CDH12: variants seen among roughly 807,000 people sequenced by gnomAD.
CDH12 encodes cadherin-12.
In CDH12, 41 loss-of-function variants were observed where a neutral mutation model predicts 74.1. The observed-to-expected ratio is 0.55, with a 90% CI of 0.43 to 0.72. The LOEUF is 0.72. Ranked by LOEUF, CDH12 falls within the 30% of genes least tolerant of loss-of-function variation. The pLI is 0.00. For missense variants in CDH12, 945 were observed against 977.2 expected (o/e 0.97, Z 0.44); for synonymous variants, 399 against 355.0 (o/e 1.12, Z -1.39).
chr5:22,160,236 CT>C (rs1748263957), intron 4 of CDH12, among the ~76,000 whole-genome samples: 1 of 151,980 alleles, frequency 6.6e-6, no homozygotes, highest in Non-Finnish European at 1.5e-5. Flanking sequence ...TCCTTTTTTT[CT>C]TTTTAGAAAA....
intron 5 of CDH12, among the ~76,000 whole-genome samples, chr5:22,061,444 G>T (rs1741183061): frequency 6.6e-6 from 1 of 152,064 alleles, no homozygotes; most frequent in Admixed American, 6.6e-5. Context: ...TTCAAATATA[G>T]GTTTGAATGG....
At chr5:22,265,832 C>A (rs1753683167) in intron 3 of CDH12, among the ~76,000 whole-genome samples, 1 of 151,894 alleles carries the variant, frequency 6.6e-6, no homozygotes, top group Admixed American at 6.6e-5. Flanking sequence ...GCAATATGAA[C>A]AGGTATAAAT....
intron 3 of CDH12, among the ~76,000 whole-genome samples, chr5:22,281,877 T>G (rs1423740392): frequency 2.0e-5 from 3 of 152,164 alleles, no homozygotes; most frequent in Non-Finnish European, 4.4e-5. Flanking sequence ...AAAACTAGTT[T>G]TAATTTCATA....
At chr5:21,910,086 T>G (rs2150062521) in intron 6 of CDH12, among the ~76,000 whole-genome samples, 1 of 152,278 alleles carries the variant, frequency 6.6e-6, no homozygotes, top group Non-Finnish European at 1.5e-5. Flanking sequence ...AGGAGTTTGC[T>G]TAGCAGTCAT....
At chr5:22,518,562 A>G (rs950505256) in intron 1 of CDH12, among the ~76,000 whole-genome samples, 1 of 152,218 alleles carries the variant, frequency 6.6e-6, no homozygotes, top group Non-Finnish European at 1.5e-5. Flanking sequence ...TGTTCTGGAC[A>G]TGTTAAATTT....
chr5:22,264,588 G>T lies in CDH12; in HGVS notation c.-332-51945C>A, dbSNP rs114723119. ...GGTGTGTGAGTAATTATCAGAGGTT[G>T]TTGTGAGGAGATATGATTGGGAATG... On this transcript the variant is annotated intron_variant, in intron 3 of 14. Coordinates refer to ENST00000382254, the MANE Select transcript of CDH12 (RefSeq NM_004061.5). Among the ~76,000 whole-genome samples, 506 of 152,242 alleles carry T rather than the reference G, an allele frequency of 3.3e-3. 2 individuals carry two copies. Among genetic ancestry groups the T allele is most frequent in the African/African-American group, 0.012 (480 of 41,566 alleles).
intron 2 of CDH12, among the ~76,000 whole-genome samples, chr5:22,420,980 GCTCT>G (rs1743627069): frequency 6.6e-6 from 1 of 151,850 alleles, no homozygotes; most frequent in South Asian, 2.1e-4. Context: ...TCATGATTTG[GCTCT>G]CTGCTTGTCT....
chr5:22,161,111 T>C lies in CDH12; in HGVS notation c.-187+51387A>G, dbSNP rs866656884. Among the ~76,000 whole-genome samples the C allele has an allele frequency of 2.0e-5, 3 of 152,154 alleles. No individual in the cohort carries two copies. In the South Asian group the frequency reaches 6.2e-4, roughly 32 times the overall value. On this transcript the variant is annotated intron_variant, in intron 4 of 14. Transcript: ENST00000382254. The stretch of plus-strand genomic sequence containing the variant: ...TTTAAGGGGAACATACACAAGTGTA[T>C]AGAATTGAGCTGTCATAGAAGCTTC...
At chr5:22,152,124 A>G (rs1179737505) in intron 4 of CDH12, 1 of 152,034 alleles carries the variant, frequency 6.6e-6, no homozygotes, top group Non-Finnish European at 1.5e-5. Flanking sequence ...CTACCAGGAG[A>G]CTGGATCCGC....
intron 6 of CDH12, among the ~76,000 whole-genome samples, chr5:21,968,877 A>T (rs1756705519): frequency 6.6e-6 from 1 of 152,118 alleles, no homozygotes; most frequent in Non-Finnish European, 1.5e-5. Context: ...GTAACGCAGG[A>T]ACAGAAAACC....
chr5:22,023,090 T>C (rs1738095925), intron 5 of CDH12, among the ~76,000 whole-genome samples: 1 of 152,190 alleles, frequency 6.6e-6, no homozygotes, highest in Admixed American at 6.6e-5. Flanking sequence ...CAAATTCTAA[T>C]GTCTGCAGGG....
At chr5:22,381,070 A>T (rs1184217657) in intron 3 of CDH12, among the ~76,000 whole-genome samples, 2 of 152,214 alleles carry the variant, frequency 1.3e-5, no homozygotes, top group East Asian at 3.9e-4. Flanking sequence ...TGTTTGAATT[A>T]AAAAAGGCAA....
At chr5:22,658,504 G>A (rs1309673002) in intron 1 of CDH12, among the ~76,000 whole-genome samples, 1 of 151,934 alleles carries the variant, frequency 6.6e-6, no homozygotes, top group Non-Finnish European at 1.5e-5. Context: ...CTAAAAGGGA[G>A]CTTGATAAGA....
intron 1 of CDH12, among the ~76,000 whole-genome samples, chr5:22,798,112 T>A (rs1581010460): frequency 6.6e-6 from 1 of 152,164 alleles, no homozygotes; most frequent in East Asian, 1.9e-4. Context: ...ATTATTCTTA[T>A]CCCCTGCCTC....
chr5:22,772,693 G>A (rs946173276), intron 1 of CDH12, among the ~76,000 whole-genome samples: 3 of 151,918 alleles, frequency 2.0e-5, no homozygotes, highest in African/African-American at 4.8e-5. Context: ...AAAATTTTAC[G>A]CAAGGTATGC....
intron 3 of CDH12, among the ~76,000 whole-genome samples, chr5:22,254,584 T>A (rs1318683688): frequency 6.6e-6 from 1 of 151,850 alleles, no homozygotes; most frequent in Non-Finnish European, 1.5e-5. Context: ...ACCTGAGTGA[T>A]GAAATCATCT....
At chr5:21,865,925 C>T (rs1194947391) in intron 6 of CDH12, among the ~76,000 whole-genome samples, 1 of 152,136 alleles carries the variant, frequency 6.6e-6, no homozygotes, top group African/African-American at 2.4e-5. Flanking sequence ...CCATAATTCC[C>T]TTATGTTGTG....
chr5:22,764,059 T>A (rs1251118169), intron 1 of CDH12, among the ~76,000 whole-genome samples: 2 of 116,258 alleles, frequency 1.7e-5, no homozygotes, highest in Non-Finnish European at 1.9e-5. Flanking sequence ...GAAAGTTTAG[T>A]GTGTAAATAC....
chr5:22,719,522 T>C (rs1743768198), intron 1 of CDH12, among the ~76,000 whole-genome samples: 1 of 152,094 alleles, frequency 6.6e-6, no homozygotes, highest in Non-Finnish European at 1.5e-5. Context: ...GTGTGTCTAG[T>C]GGCATTTCTT....
Sources: gnomAD v4.1 joint callset for allele counts (sites outside exome capture counted in the v4.1 genomes callset) on GRCh38, gnomAD v4.1.1 for gene constraint, MANE v1.5 for transcripts, NCBI Gene and HGNC (gene_info 2026-07-23, HGNC 2026-07-21) for gene names.